IL16: variants seen among roughly 807,000 people sequenced by gnomAD.
IL16 encodes the protein pro-interleukin-16.
In IL16, 67 loss-of-function variants were observed where a neutral mutation model predicts 110.1. That is an observed-to-expected ratio of 0.61 (90% confidence interval 0.50 to 0.75). IL16 has a LOEUF of 0.75. Ranked by LOEUF, IL16 falls within the 30% of genes least tolerant of loss-of-function variation. The pLI is 0.00. For missense variants in IL16, 1,545 were observed against 1,655.0 expected, an observed-to-expected ratio of 0.93 and a Z score of 1.15; for synonymous variants, 689 against 662.9, an observed-to-expected ratio of 1.04 and a Z score of -0.61.
At chr15:81,276,368 C>T (rs1898908495) in intron 6 of IL16, among the ~76,000 whole-genome samples, 2 of 152,168 alleles carry the variant, frequency 1.3e-5, no homozygotes, top group African/African-American at 4.8e-5. Flanking sequence ...CTAAGAATGG[C>T]AGACTCAGGG....
chr15:81,280,847 C>A (rs1432301301), intron 8 of IL16, among the ~76,000 whole-genome samples: 1 of 152,176 alleles, frequency 6.6e-6, no homozygotes, highest in East Asian at 1.9e-4. Context: ...CAGCTGTAAC[C>A]AGGGCTCCCG....
At chr15:81,301,625 G>C in intron 15 of IL16, 113 bp downstream of exon 15, 6 of 860,482 alleles carry the variant, frequency 7.0e-6, no homozygotes, top group Non-Finnish European at 1.1e-5. Flanking sequence ...ATCAGACCCA[G>C]GTTGCGTCCT....
At chr15:81,285,548 G>C (rs758588124) in intron 9 of IL16, 150 bp from the exon 10 acceptor site, 2 of 751,340 alleles carry the variant, frequency 2.7e-6, no homozygotes, top group Non-Finnish European at 4.3e-6. Context: ...CCTGTTCTGA[G>C]TTTTGGTCTG....
intron 2 of IL16, among the ~76,000 whole-genome samples, chr15:81,240,593 T>G (rs115999848): frequency 5.6e-4 from 86 of 152,296 alleles, no homozygotes; most frequent in African/African-American, 1.9e-3. Context: ...AACTTTCATT[T>G]CCCTGATTAC....
intron 5 of IL16, 40 bp downstream of exon 5, chr15:81,269,688 A>C: frequency 5.0e-6 from 7 of 1,408,874 alleles, no homozygotes; most frequent in Non-Finnish European, 7.0e-6. Flanking sequence ...CCTGGGGGGC[A>C]GCACCAGTCT....
intron 3 of IL16, among the ~76,000 whole-genome samples, chr15:81,262,260 T>C (rs1016182578): frequency 1.3e-5 from 2 of 152,220 alleles, no homozygotes; most frequent in African/African-American, 2.4e-5. Context: ...CTCCAGTTCG[T>C]TGCTTTTATT....
rs750099917 is a variant in IL16 at position 81,292,794 on chromosome 15, G to A, written c.1659G>A (p.Val553=). ...GCTTGCCTCTGGCACGGGAGCCAGT[G>A]GTGCTTTCTATAGCATCCTCCAGGC... ...SPSLPLAREP[V]VLSIASSRLP... The change falls in exon 12 of 19, where the codon GTG becomes GTA. Residue 553 remains valine (V), a synonymous_variant. Coordinates refer to ENST00000683961, the MANE Select transcript of IL16 (RefSeq NM_172217.5). 1 of 1,614,134 alleles carries A rather than the reference G, an allele frequency of 6.2e-7. No homozygotes were observed. The highest frequency in any genetic ancestry group is 8.5e-7 in the Non-Finnish European group (1 of 1,180,032).
intron 1 of IL16, among the ~76,000 whole-genome samples, chr15:81,209,167 G>A (rs2141984170): frequency 6.6e-6 from 1 of 152,290 alleles, no homozygotes; most frequent in South Asian, 2.1e-4. Flanking sequence ...GTGCTCAGAG[G>A]ATAATGATGG....
chr15:81,295,354 T>C lies in IL16; in HGVS notation c.1903-1574T>C, dbSNP rs1021206650. On this transcript the variant is annotated intron_variant, in intron 12 of 18. Transcript: ENST00000683961. ...CAGGGGCTAATTCTGAAGTCTCCCA[T>C]GAAGAGGATGCAATATTGGATGTGT... 6 of 1,213,902 alleles carry C rather than the reference T, an allele frequency of 4.9e-6. No individual in the cohort carries two copies. The African/African-American group carries it at 7.9e-5, about 16-fold the overall frequency. The allele number at this position is 1,213,902 out of a possible 1,614,324, so 75.2% of individuals were successfully genotyped here. A position where few individuals can be genotyped will look rare whatever the true frequency, so the allele number is the denominator to read the frequency against.
intron 6 of IL16, among the ~76,000 whole-genome samples, chr15:81,274,076 A>G (rs953168031): frequency 1.3e-5 from 2 of 152,222 alleles, no homozygotes; most frequent in Non-Finnish European, 2.9e-5. Context: ...GGACTGGGCC[A>G]TACACCAGAG....
intron 1 of IL16, among the ~76,000 whole-genome samples, chr15:81,190,189 CT>C (rs1256179174): frequency 6.6e-6 from 1 of 152,200 alleles, no homozygotes; most frequent in African/African-American, 2.4e-5. Flanking sequence ...TGGAAACATT[CT>C]CCCCCTTCTC....
rs367769835 is a variant in IL16, at chr15:81,306,552, G to T, written c.3805+7G>T. ...ATTAACAGGATTTTCAAAGGTGTGG[G>T]GTGTGTCTGGTTCTTTGCGTGCTCT... On this transcript the variant is annotated splice_region_variant and intron_variant, in intron 18 of 18. Coordinates refer to ENST00000683961, the MANE Select transcript of IL16 (RefSeq NM_172217.5). 3.7e-6 allele frequency: 6 copies of T among 1,611,540 alleles called. No individual in the cohort carries two copies. The East Asian group carries it at 1.1e-4, about 30-fold the overall frequency.
chr15:81,205,397 C>G (rs560548761), intron 1 of IL16, among the ~76,000 whole-genome samples: 2 of 152,178 alleles, frequency 1.3e-5, no homozygotes, highest in African/African-American at 4.8e-5. Context: ...AGCACCTCAC[C>G]TCTTGCATAG....
Position 81,299,771 on chromosome 15 carries a change from C to T in IL16, c.2445C>T (p.Ser815=), listed in dbSNP as rs1439209226. The T allele has an allele frequency of 1.2e-6, 2 of 1,614,188 alleles. No individual in the cohort carries two copies. The highest frequency in any genetic ancestry group is 3.3e-5 in the Admixed American group (2 of 60,018). The part of the protein sequence containing the change: ...DPRGLPDPAL[S]TQPAPASREH... ...GAGGGCTCCCTGATCCTGCCTTGTC[C>T]ACCCAGCCAGCACCTGCTTCCAGGG... Residue 815 remains serine, a synonymous_variant, in exon 14 of 19, where the codon TCC becomes TCT. Transcript: ENST00000683961.
At chr15:81,299,191 C>T (rs1182440158) in intron 13 of IL16, 189 bp from the exon 14 acceptor site, 6 of 860,620 alleles carry the variant, frequency 7.0e-6, no homozygotes, top group Non-Finnish European at 9.8e-6. Context: ...TACTTCTGGT[C>T]CTTCACTCCT....
intron 2 of IL16, among the ~76,000 whole-genome samples, chr15:81,259,233 T>C (rs978037006): frequency 1.3e-5 from 2 of 152,234 alleles, no homozygotes; most frequent in Non-Finnish European, 2.9e-5. Context: ...CCGCAAATAG[T>C]TGCAAGTGCC....
chr15:81,256,846 A>G (rs1448504293), intron 2 of IL16, among the ~76,000 whole-genome samples: 1 of 152,220 alleles, frequency 6.6e-6, no homozygotes, highest in African/African-American at 2.4e-5. Flanking sequence ...AATTAATAAA[A>G]TCACATTTTA....
Position 81,245,670 on chromosome 15 carries a change from G to A in IL16, c.313-14102G>A, listed in dbSNP as rs570155823. Reference sequence around the variant, plus strand: ...GTTATTGTCTAATGTTTTCTGTCTCGCTGAACAGTCCCTTCATGGTCTTTT... The same window carrying A: ...GTTATTGTCTAATGTTTTCTGTCTCACTGAACAGTCCCTTCATGGTCTTTT... On this transcript the variant is annotated intron_variant, in intron 2 of 18. Transcript: ENST00000683961. Among the ~76,000 whole-genome samples the A allele has an allele frequency of 8.8e-5, 13 of 147,896 alleles. No individual in the cohort carries two copies. The South Asian group carries it at 1.5e-3, about 17-fold the overall frequency.
intron 2 of IL16, among the ~76,000 whole-genome samples, chr15:81,236,823 G>C (rs975983230): frequency 2.3e-4 from 35 of 152,138 alleles, no homozygotes; most frequent in Admixed American, 1.9e-3. Flanking sequence ...CAGGCCTGGT[G>C]GTGGGTGCCC....
Sources: gnomAD v4.1 joint callset for allele counts (sites outside exome capture counted in the v4.1 genomes callset) on GRCh38, gnomAD v4.1.1 for gene constraint, MANE v1.5 for transcripts, NCBI Gene and HGNC (gene_info 2026-07-23, HGNC 2026-07-21) for gene names.